Variants in IL1RAPL2 observed in about 807,000 individuals in gnomAD.
The protein encoded by IL1RAPL2 is interleukin 1 receptor accessory protein like 2.
Under a neutral mutation model 44.1 loss-of-function variants are expected in IL1RAPL2, and 3 were observed. That is an observed-to-expected ratio of 0.07 (90% CI 0.03 to 0.18). The LOEUF (loss-of-function observed/expected upper bound fraction) is 0.18. Ranked by LOEUF, IL1RAPL2 falls within the 10% of genes least tolerant of loss-of-function variation. The pLI is 1.00. For missense variants in IL1RAPL2, 391 were observed against 496.4 expected (o/e 0.79, Z 2.02); for synonymous variants, 181 against 178.8 (o/e 1.01, Z -0.10).
At chrX:105,469,319 G>C (rs1487507170) in intron 5 of IL1RAPL2, among the ~76,000 whole-genome samples, 1 of 110,596 alleles carries the variant, frequency 9.0e-6, no homozygotes, top group African/African-American at 3.3e-5. Flanking sequence ...TTTTAGAAGG[G>C]AAGGGGGTGA....
At chrX:104,867,562 A>G (rs1428053676) in intron 2 of IL1RAPL2, among the ~76,000 whole-genome samples, 1 of 111,798 alleles carries the variant, frequency 8.9e-6, no homozygotes, top group Non-Finnish European at 1.9e-5. Context: ...GGGTATGTGG[A>G]TGTGACAGTG....
intron 6 of IL1RAPL2, among the ~76,000 whole-genome samples, chrX:105,607,706 C>T (rs1195704693): frequency 1.1e-5 from 1 of 91,706 alleles, no homozygotes; most frequent in African/African-American, 4.2e-5. Context: ...GGCCAATACA[C>T]AGAGGTATGA....
chrX:104,840,257 T>C (rs1364386451), intron 2 of IL1RAPL2, among the ~76,000 whole-genome samples: 1 of 112,084 alleles, frequency 8.9e-6, no homozygotes, highest in Non-Finnish European at 1.9e-5. Flanking sequence ...GATTCTGCTA[T>C]ATTGTCTCTT....
At chrX:105,073,013 T>C (rs1329508268) in intron 2 of IL1RAPL2, among the ~76,000 whole-genome samples, 1 of 107,335 alleles carries the variant, frequency 9.3e-6, no homozygotes, top group African/African-American at 3.4e-5. Context: ...TAGTATTCCA[T>C]GGTGTATATG....
chrX:104,736,469 C>A (rs1932014458), intron 2 of IL1RAPL2, among the ~76,000 whole-genome samples: 1 of 111,775 alleles, frequency 8.9e-6, no homozygotes, highest in African/African-American at 3.3e-5. Flanking sequence ...CCCAGAACTT[C>A]TTTTCTCTCC....
At chrX:105,506,670 G>T (rs1330029910) in intron 6 of IL1RAPL2, among the ~76,000 whole-genome samples, 1 of 111,574 alleles carries the variant, frequency 9.0e-6, no homozygotes, top group African/African-American at 3.3e-5. Flanking sequence ...TGCATATAAT[G>T]GTTGTTGGCA....
intron 6 of IL1RAPL2, among the ~76,000 whole-genome samples, chrX:105,521,781 T>C (rs1283929951): frequency 8.9e-6 from 1 of 111,979 alleles, no homozygotes; most frequent in Non-Finnish European, 1.9e-5. Flanking sequence ...AATTACCTAG[T>C]CTTGGGCAGT....
chrX:105,412,839 A>G (rs1353836559), intron 5 of IL1RAPL2, among the ~76,000 whole-genome samples: 2 of 112,274 alleles, frequency 1.8e-5, no homozygotes, highest in African/African-American at 6.5e-5. Flanking sequence ...AAAAATAAAA[A>G]TTATTCTGAT....
At chrX:105,087,390 AG>A (rs1186621607) in intron 2 of IL1RAPL2, among the ~76,000 whole-genome samples, 1 of 111,984 alleles carries the variant, frequency 8.9e-6, no homozygotes, top group Non-Finnish European at 1.9e-5. Context: ...TACCTATAGT[AG>A]GGGATGTTTT....
At chrX:105,253,055 A>C (rs908503576) in intron 4 of IL1RAPL2, among the ~76,000 whole-genome samples, 7 of 111,690 alleles carry the variant, frequency 6.3e-5, no homozygotes, top group African/African-American at 1.3e-4. Flanking sequence ...TCAGATGCTC[A>C]TAGTAGCCCA....
At chrX:105,727,507 C>G (rs928534505) in intron 7 of IL1RAPL2, among the ~76,000 whole-genome samples, 14 of 111,302 alleles carry the variant, frequency 1.3e-4, no homozygotes, top group African/African-American at 4.6e-4. Context: ...ATAATGAGGA[C>G]AGCAGAAGTG....
Position 105,284,488 on chromosome X carries a change from A to G in IL1RAPL2, c.697+16947A>G, listed in dbSNP as rs773725069. Among the ~76,000 whole-genome samples the G allele has an allele frequency of 2.7e-5, 3 of 111,949 alleles. No homozygotes were observed. The South Asian group carries it at 1.1e-3, about 42-fold the overall frequency. On this transcript the variant is annotated intron_variant, in intron 5 of 10. Transcript: ENST00000372582. Reference sequence around the variant, plus strand: ...TGTTAACTGCCTGCCTGGACTAGCAACTGTCTTCAAACCCTCTGTATACCA... The same window carrying G: ...TGTTAACTGCCTGCCTGGACTAGCAGCTGTCTTCAAACCCTCTGTATACCA...
chrX:104,969,446 A>G (rs188798912), intron 2 of IL1RAPL2, among the ~76,000 whole-genome samples: 51 of 111,775 alleles, frequency 4.6e-4, no homozygotes, highest in Non-Finnish European at 7.9e-4. Context: ...ACTTTATGAC[A>G]GAGTAGAAAA....
chrX:104,983,179 G>T (rs908375180), intron 2 of IL1RAPL2, among the ~76,000 whole-genome samples: 2 of 109,104 alleles, frequency 1.8e-5, no homozygotes, highest in Non-Finnish European at 1.9e-5. Flanking sequence ...GGATGGAGTT[G>T]CACTGAGAGA....
intron 2 of IL1RAPL2, among the ~76,000 whole-genome samples, chrX:104,950,869 G>A (rs1016120610): frequency 9.0e-6 from 1 of 110,821 alleles, no homozygotes; most frequent in African/African-American, 3.3e-5. Context: ...CACCTCGCCC[G>A]GCTAATTCTG....
At chrX:105,235,819 A>G (rs1457796308) in intron 4 of IL1RAPL2, among the ~76,000 whole-genome samples, 3 of 112,131 alleles carry the variant, frequency 2.7e-5, no homozygotes, top group Non-Finnish European at 5.6e-5. Context: ...ACTCTGTGTG[A>G]TAGGTGCTAT....
chrX:105,519,185 A>C (rs2036537943), intron 6 of IL1RAPL2, among the ~76,000 whole-genome samples: 1 of 112,051 alleles, frequency 8.9e-6, no homozygotes, highest in African/African-American at 3.2e-5. Flanking sequence ...TGCTATACAC[A>C]CATACACATA....
At chrX:105,037,996 G>T (rs1256805370) in intron 2 of IL1RAPL2, among the ~76,000 whole-genome samples, 1 of 111,766 alleles carries the variant, frequency 8.9e-6, no homozygotes, top group Non-Finnish European at 1.9e-5. Context: ...TAAGAGCATG[G>T]TGAAAAGATA....
chrX:105,563,017 AT>A (rs1333049392), intron 6 of IL1RAPL2, among the ~76,000 whole-genome samples: 9 of 112,111 alleles, frequency 8.0e-5, no homozygotes, highest in Non-Finnish European at 1.1e-4. Context: ...ATCGTTAAGA[AT>A]AAAAATGAAG....
Sources: allele counts gnomAD v4.1 joint callset (sites outside exome capture counted in the v4.1 genomes callset), GRCh38; gene constraint gnomAD v4.1.1; transcripts MANE v1.5; gene names NCBI Gene and HGNC (gene_info 2026-07-23, HGNC 2026-07-21).